Variants in TMEM59 observed in about 807,000 individuals in gnomAD.
TMEM59 encodes transmembrane protein 59, also known as dendritic cell factor 1.
Under a neutral mutation model 42.2 loss-of-function variants are expected in TMEM59, and 44 were observed. The observed-to-expected ratio is 1.04, with a 90% CI of 0.82 to 1.34. The LOEUF (loss-of-function observed/expected upper bound fraction) is 1.34, where lower values mean the gene tolerates loss of function less well. TMEM59 is among the 40% of genes most tolerant of loss of function. The pLI, the probability that TMEM59 is intolerant of heterozygous loss-of-function variation, is 0.00. For missense variants in TMEM59, 359 were observed against 382.8 expected, an observed-to-expected ratio of 0.94 and a Z score of 0.52; for synonymous variants, 148 against 145.8, an observed-to-expected ratio of 1.02 and a Z score of -0.11.
At chr1:54,039,621 G>A (rs538987453) in intron 6 of TMEM59, among the ~76,000 whole-genome samples, 18 of 152,270 alleles carry the variant, frequency 1.2e-4, no homozygotes, top group African/African-American at 4.1e-4. Context: ...TCAAGAAACT[G>A]TTTCTATAAG....
intron 5 of TMEM59, 141 bp from the exon 6 acceptor site, chr1:54,040,978 GT>G: frequency 1.6e-6 from 1 of 635,000 alleles, no homozygotes; most frequent in South Asian, 2.0e-5. Context: ...ATGTGTACCA[GT>G]TTCTCTAGCA....
At position 54,042,046 on chromosome 1, in the gene TMEM59, G is replaced by GTT. The variant is rs1253767145; in HGVS notation, c.544-243_544-242dup. On this transcript the variant is annotated intron_variant, in intron 4 of 7. Coordinates refer to ENST00000234831, the MANE Select transcript of TMEM59 (RefSeq NM_004872.5). ...TATGTTAGTTTAACTTCCTGACAACGTTTTGTTTTGTTTTTTTTTTTTTTT... is the reference window on the plus strand; with the variant it reads ...TATGTTAGTTTAACTTCCTGACAACGTTTTTTGTTTTGTTTTTTTTTTTTTTT... 3.9e-3 allele frequency among the ~76,000 whole-genome samples: 562 copies of GTT among 142,594 alleles called. 5 individuals are homozygous for GTT. Among genetic ancestry groups the GTT allele is most frequent in the African/African-American group, 0.016 (547 of 35,158 alleles). The allele number at this position is 142,594 out of a possible 152,430, so 93.5% of individuals were successfully genotyped here.
At chr1:54,049,665 A>C (rs1657462251) in intron 1 of TMEM59, among the ~76,000 whole-genome samples, 1 of 152,162 alleles carries the variant, frequency 6.6e-6, no homozygotes, top group Admixed American at 6.5e-5. Context: ...AGCTAAATTC[A>C]TAATTAGAAG....
chr1:54,052,974 C>A, intron 1 of TMEM59, 26 bp downstream of exon 1: 1 of 1,594,674 alleles, frequency 6.3e-7, no homozygotes, highest in Non-Finnish European at 8.6e-7. Flanking sequence ...AGGGAAGGGT[C>A]GCAGCCCGCT....
At chr1:54,034,829 C>T (rs987332227) in intron 7 of TMEM59, 1 of 152,118 alleles carries the variant, frequency 6.6e-6, no homozygotes, top group East Asian at 1.9e-4. Context: ...TCTGATGGAT[C>T]TGATATAGCA....
chr1:54,045,620 G>T, intron 3 of TMEM59, 72 bp downstream of exon 3: 1 of 1,422,234 alleles, frequency 7.0e-7, no homozygotes, highest in Non-Finnish European at 9.9e-7. Flanking sequence ...TCAAGTGGGT[G>T]ATAAACACTT....
chr1:54,042,797 A>G (rs1049520689), intron 4 of TMEM59, among the ~76,000 whole-genome samples: 2 of 152,208 alleles, frequency 1.3e-5, no homozygotes, highest in Admixed American at 1.3e-4. Context: ...CACCTTCCTC[A>G]TAATAAAACA....
At chr1:54,037,410 G>A (rs2100305471) in intron 6 of TMEM59, among the ~76,000 whole-genome samples, 1 of 152,234 alleles carries the variant, frequency 6.6e-6, no homozygotes, top group African/African-American at 2.4e-5. Context: ...AATTTTTATA[G>A]AGACAAGCTC....
chr1:54,032,700 C>A (rs979663612), intron 7 of TMEM59, among the ~76,000 whole-genome samples: 1 of 152,080 alleles, frequency 6.6e-6, no homozygotes, highest in South Asian at 2.1e-4. Flanking sequence ...GAAAAGGCTG[C>A]GAGAACAAAG....
upstream of TMEM59, chr1:54,053,329 G>T: frequency 1.0e-6 from 1 of 952,844 alleles, no homozygotes; most frequent in Non-Finnish European, 1.5e-6. Context: ...GCCCTCACCC[G>T]CCAGAAACTG....
At chr1:54,040,534 AATGCTCTTGTACTGTGAAAAAAACT>A (rs1488831350) in intron 6 of TMEM59, among the ~76,000 whole-genome samples, 197 bp downstream of exon 6, 1 of 152,238 alleles carries the variant, frequency 6.6e-6, no homozygotes, top group African/African-American at 2.4e-5. Flanking sequence ...TAACAAGAAA[AATGCTCTTGTACTGTGAAAAAAACT>A]ACCTGCCTGG....
At chr1:54,045,252 C>CCCGTTTCGTGCAAGAATAGGAGG (rs1657290966) in intron 3 of TMEM59, among the ~76,000 whole-genome samples, 1 of 152,050 alleles carries the variant, frequency 6.6e-6, no homozygotes, top group African/African-American at 2.4e-5. Flanking sequence ...AAAAAAAAAT[C>CCCGTTTCGTGCAAGAATAGGAGG]TGGACACAGC....
chr1:54,037,867 C>A (rs565818457), intron 6 of TMEM59, among the ~76,000 whole-genome samples: 2 of 152,258 alleles, frequency 1.3e-5, no homozygotes, highest in South Asian at 4.1e-4. Context: ...CCCTAAGTAA[C>A]CTGAGTACTA....
chr1:54,042,051 G>GTTTTTTTTTTT lies in TMEM59; in HGVS notation c.544-247_544-246insAAAAAAAAAAA, dbSNP rs753841730. Among the ~76,000 whole-genome samples, 2 of 143,244 alleles carry GTTTTTTTTTTT rather than the reference G, an allele frequency of 1.4e-5. 1 individual carries two copies. The highest frequency in any genetic ancestry group is 5.2e-5 in the African/African-American group (2 of 38,244). 94.0% of individuals were successfully genotyped at this position (143,244 alleles called of 152,430 possible). On this transcript the variant is annotated intron_variant, in intron 4 of 7. Transcript: ENST00000234831. ...TAGTTTAACTTCCTGACAACGTTTT[G>GTTTTTTTTTTT]TTTTGTTTTTTTTTTTTTTTAAAGG...
chr1:54,027,111 G>A lies in TMEM59; in HGVS notation c.*5039C>T, dbSNP rs1656624424. 1 of 152,128 alleles carries A rather than the reference G, an allele frequency of 6.6e-6. No individual in the cohort carries two copies. The highest frequency in any genetic ancestry group is 6.6e-5 in the Admixed American group (1 of 15,266). 9.4% of individuals were successfully genotyped at this position (152,128 alleles called of 1,614,324 possible). A position where few individuals can be genotyped will look rare whatever the true frequency, so the allele number is the denominator to read the frequency against. On this transcript the variant is annotated 3_prime_UTR_variant, in exon 8 of 8. Transcript: ENST00000234831. ...AACATTTCCTTCAATTACGAATATAGGAAACAGTCCACAGTAGGATCAGAG... is the reference window on the plus strand; with the variant it reads ...AACATTTCCTTCAATTACGAATATAAGAAACAGTCCACAGTAGGATCAGAG...
At chr1:54,042,659 A>C (rs1351782131) in intron 4 of TMEM59, among the ~76,000 whole-genome samples, 3 of 152,168 alleles carry the variant, frequency 2.0e-5, no homozygotes, top group African/African-American at 7.2e-5. Context: ...TTGACTGGTA[A>C]ATTTGAGGAA....
chr1:54,042,724 GT>G (rs1158269781), intron 4 of TMEM59, among the ~76,000 whole-genome samples: 2 of 152,174 alleles, frequency 1.3e-5, no homozygotes, highest in East Asian at 3.8e-4. Flanking sequence ...TGGTGCTAAA[GT>G]GCCCTGGGTT....
At chr1:54,049,156 T>TCGG (rs1223988290) in intron 1 of TMEM59, among the ~76,000 whole-genome samples, 1 of 152,176 alleles carries the variant, frequency 6.6e-6, no homozygotes, top group East Asian at 1.9e-4. Flanking sequence ...GTTTCAGGAA[T>TCGG]CGGCCCTGGT....
Position 54,053,082 on chromosome 1 carries a change from T to G in TMEM59, c.107A>C (p.Glu36Ala). 1 of 1,614,176 alleles carries G rather than the reference T, an allele frequency of 6.2e-7. No individual in the cohort carries two copies. The highest frequency in any genetic ancestry group is 8.5e-7 in the Non-Finnish European group (1 of 1,180,018). Residue 36 changes from glutamate to alanine, a missense_variant, in exon 1 of 8, where the codon GAA (glutamate) becomes GCA (alanine). Coordinates refer to ENST00000234831, the MANE Select transcript of TMEM59 (RefSeq NM_004872.5). ...ATCACCCAAGACCGAGTCAAATGCT[T>G]CAGCCGAAGCGGTCCCCGAACCTCC... ...LAGGSGTASA[E>A]AFDSVLGDTA...
Sources: gnomAD v4.1 joint callset for allele counts (sites outside exome capture counted in the v4.1 genomes callset) on GRCh38, gnomAD v4.1.1 for gene constraint, MANE v1.5 for transcripts, NCBI Gene and HGNC (gene_info 2026-07-23, HGNC 2026-07-21) for gene names.